Variants in SERINC5 observed in about 807,000 individuals in gnomAD.
SERINC5 encodes the protein chromosome 5 open reading frame 12.
A neutral mutation model predicts 63.1 loss-of-function variants in SERINC5; 41 were observed. That is an observed-to-expected ratio of 0.65 (90% CI 0.51 to 0.84). SERINC5 has a LOEUF of 0.84. SERINC5 is among the 40% of genes least tolerant of loss of function. The pLI is 0.00. For synonymous variants in SERINC5, 222 were observed against 215.2 expected (o/e 1.03, Z -0.28); for missense variants, 523 against 573.0 (o/e 0.91, Z 0.89).
Position 80,217,104 on chromosome 5 carries a change from ATT to A in SERINC5, c.28-14053_28-14052del, listed in dbSNP as rs143256605. On this transcript the variant is annotated intron_variant, in intron 1 of 11. Coordinates refer to ENST00000507668, the MANE Select transcript of SERINC5 (RefSeq NM_001174072.3). ...TTTTTATTCTTAATTTTTAATTTTA[ATT>A]TTTTTATTTTGATATTTTTATTTTA... Among the ~76,000 whole-genome samples the A allele has an allele frequency of 4.7e-3, 709 of 150,184 alleles. 5 individuals carry two copies. The highest frequency in any genetic ancestry group is 0.017 in the African/African-American group (681 of 39,918).
intron 1 of SERINC5, among the ~76,000 whole-genome samples, chr5:80,239,414 C>CT (rs11412540): frequency 1 from 151,677 of 151,684 alleles, 75,835 homozygotes; most frequent in Middle Eastern, 1. Context: ...CACAATCCCC[C>CT]TTGTCAGCAT....
chr5:80,229,251 T>C (rs945697907), intron 1 of SERINC5, among the ~76,000 whole-genome samples: 3 of 151,870 alleles, frequency 2.0e-5, no homozygotes, highest in African/African-American at 7.3e-5. Flanking sequence ...CTCTAACTGC[T>C]GACCTCAAGT....
chr5:80,149,639 G>A (rs1040110840), intron 9 of SERINC5, among the ~76,000 whole-genome samples: 3 of 152,146 alleles, frequency 2.0e-5, no homozygotes, highest in African/African-American at 7.2e-5. Flanking sequence ...CAGAGTACAC[G>A]GTTTATATTC....
At chr5:80,181,224 C>A (rs936723671) in intron 2 of SERINC5, among the ~76,000 whole-genome samples, 1 of 152,088 alleles carries the variant, frequency 6.6e-6, no homozygotes, top group Non-Finnish European at 1.5e-5. Flanking sequence ...TTTTCCTTTA[C>A]ACAAACAAAC....
intron 1 of SERINC5, among the ~76,000 whole-genome samples, chr5:80,224,922 C>T (rs1460181280): frequency 1.6e-4 from 14 of 86,086 alleles, no homozygotes; most frequent in Admixed American, 1.5e-3. Context: ...TCACGCCCAG[C>T]GTTTTTTTTT....
chr5:80,117,818 G>A (rs2112226150), intron 11 of SERINC5, among the ~76,000 whole-genome samples: 1 of 152,070 alleles, frequency 6.6e-6, no homozygotes, highest in Non-Finnish European at 1.5e-5. Context: ...CTGTCAGCAT[G>A]CCTTGGCTTG....
At chr5:80,177,683 C>G (rs115063640) in intron 3 of SERINC5, among the ~76,000 whole-genome samples, 1 of 152,116 alleles carries the variant, frequency 6.6e-6, no homozygotes, top group Admixed American at 6.5e-5. Flanking sequence ...GAGTAAATTT[C>G]GCATCATGGT....
intron 1 of SERINC5, among the ~76,000 whole-genome samples, chr5:80,225,756 G>T (rs1170225337): frequency 2.0e-5 from 3 of 152,082 alleles, no homozygotes; most frequent in African/African-American, 7.2e-5. Flanking sequence ...TGTACGCAAG[G>T]GCAGAGAACA....
At chr5:80,124,181 G>A (rs868086470) in intron 11 of SERINC5, among the ~76,000 whole-genome samples, 2 of 152,108 alleles carry the variant, frequency 1.3e-5, no homozygotes, top group Non-Finnish European at 2.9e-5. Flanking sequence ...GCCAGGACTC[G>A]ATTAATAAAC....
rs1239697533 is a variant in SERINC5, at chr5:80,141,219, TG to T, written c.*2443del. 5 of 985,344 alleles carry T rather than the reference TG, an allele frequency of 5.1e-6. No individual in the cohort carries two copies. In the East Asian group the frequency reaches 5.7e-4, roughly 112 times the overall value. The allele number at this position is 985,344 out of a possible 1,614,324, so 61.0% of individuals were successfully genotyped here. ...AGCTGAGAATAAAATTCAGAGCAACTGTAACTCTTCCTCTTGCATCAGACCA... is the reference window on the plus strand; with the variant it reads ...AGCTGAGAATAAAATTCAGAGCAACTTAACTCTTCCTCTTGCATCAGACCA... On this transcript the variant is annotated 3_prime_UTR_variant, in exon 12 of 12. Transcript: ENST00000507668.
At chr5:80,203,480 T>C (rs183067916) in intron 1 of SERINC5, among the ~76,000 whole-genome samples, 16 of 151,974 alleles carry the variant, frequency 1.1e-4, no homozygotes, top group African/African-American at 3.9e-4. Flanking sequence ...GAGATCAGCC[T>C]GGGCAACACA....
intron 7 of SERINC5, among the ~76,000 whole-genome samples, chr5:80,161,889 A>T (rs1746952485): frequency 6.6e-6 from 1 of 151,002 alleles, no homozygotes; most frequent in African/African-American, 2.4e-5. Flanking sequence ...TGATTTTTGT[A>T]TGTGGTGAGA....
At chr5:80,120,926 T>C (rs1276725055) in intron 11 of SERINC5, among the ~76,000 whole-genome samples, 1 of 152,160 alleles carries the variant, frequency 6.6e-6, no homozygotes, top group East Asian at 1.9e-4. Flanking sequence ...TCGCTCTTGT[T>C]GTCCAGGCTG....
intron 2 of SERINC5, among the ~76,000 whole-genome samples, chr5:80,178,902 CACAT>C (rs1349305570): frequency 1.3e-5 from 2 of 152,068 alleles, no homozygotes; most frequent in Non-Finnish European, 2.9e-5. Context: ...ATACACAACA[CACAT>C]ACATACACTC....
At chr5:80,120,935 T>C (rs1744518417) in intron 11 of SERINC5, among the ~76,000 whole-genome samples, 2 of 152,190 alleles carry the variant, frequency 1.3e-5, no homozygotes, top group Non-Finnish European at 2.9e-5. Context: ...TTGTCCAGGC[T>C]GGAGTGCAAT....
At chr5:80,242,438 C>A (rs148827863) in intron 1 of SERINC5, among the ~76,000 whole-genome samples, 9 of 152,026 alleles carry the variant, frequency 5.9e-5, no homozygotes, top group African/African-American at 2.2e-4. Context: ...GTCAACATGG[C>A]GAAATCCCAT....
In SERINC5 at chr5:80,170,584, A is replaced by G. The variant is rs556098240; in HGVS notation, c.552-1038T>C. Among the ~76,000 whole-genome samples the G allele has an allele frequency of 5.3e-5, 8 of 152,298 alleles. No individual in the cohort carries two copies. The South Asian group carries it at 1.4e-3, about 28-fold the overall frequency. On this transcript the variant is annotated intron_variant, in intron 5 of 11. Coordinates refer to ENST00000507668, the MANE Select transcript of SERINC5 (RefSeq NM_001174072.3). ...GACTCTTTATTTCCTTTAGCTACCT[A>G]CAGACTTTATTCTAGCTTCTCCATT...
intron 1 of SERINC5, among the ~76,000 whole-genome samples, chr5:80,240,027 C>T (rs998119494): frequency 9.9e-5 from 15 of 152,148 alleles, no homozygotes; most frequent in African/African-American, 3.6e-4. Flanking sequence ...GGCTTCTGAG[C>T]TATTTATTCT....
At chr5:80,179,982 C>A (rs1208215612) in intron 2 of SERINC5, among the ~76,000 whole-genome samples, 1 of 152,166 alleles carries the variant, frequency 6.6e-6, no homozygotes. Context: ...TTCCTTATTA[C>A]TAGTGAGATT....
Sources: gnomAD v4.1 joint callset for allele counts (sites outside exome capture counted in the v4.1 genomes callset) on GRCh38, gnomAD v4.1.1 for gene constraint, MANE v1.5 for transcripts, NCBI Gene and HGNC (gene_info 2026-07-23, HGNC 2026-07-21) for gene names.